Variants in ACTC1 observed in about 807,000 individuals in gnomAD.
ACTC1 encodes the protein actin, alpha cardiac muscle 1.
ACTC1 carries 10 observed loss-of-function variants against 31.6 expected under a neutral mutation model. The observed-to-expected ratio is 0.32, with a 90% CI of 0.19 to 0.54. The LOEUF is 0.54. Among genes scored for constraint, ACTC1 ranks in the 20% least tolerant of loss-of-function variants. ACTC1 has a pLI of 0.95. For missense variants in ACTC1, 129 were observed against 506.4 expected, an observed-to-expected ratio of 0.25 and a Z score of 7.15; for synonymous variants, 196 against 185.0, an observed-to-expected ratio of 1.06 and a Z score of -0.48.
intron 6 of ACTC1, 94 bp from the exon 7 acceptor site, chr15:34,790,649 A>G (rs1469760386): frequency 1.8e-5 from 27 of 1,469,108 alleles, no homozygotes; most frequent in African/African-American, 2.8e-5. Context: ...AAAAACCATT[A>G]GATATTAATT....
At position 34,793,619 on chromosome 15, in the gene ACTC1, T is replaced by C. The variant is rs1056173055; in HGVS notation, c.130-50A>G. The C allele has an allele frequency of 4.5e-6, 7 of 1,541,600 alleles. No homozygotes were observed. The highest frequency in any genetic ancestry group is 1.7e-4 in the Middle Eastern group (1 of 5,948). On this transcript the variant is annotated intron_variant, in intron 2 of 6. Transcript: ENST00000290378. This position sits in a 1 kb window ranked among gnomAD's most constrained non-coding sequence, Gnocchi z 4.8. ...TCATGCTCTCACCATGTCAGGAATATAATCAGTGTCTTGTCCATTTATATC... is the reference window on the plus strand; with the variant it reads ...TCATGCTCTCACCATGTCAGGAATACAATCAGTGTCTTGTCCATTTATATC...
intron 5 of ACTC1, 175 bp downstream of exon 5, chr15:34,791,915 G>C (rs1595760631): frequency 3.1e-6 from 2 of 647,588 alleles, no homozygotes; most frequent in East Asian, 5.5e-5. Context: ...TATCACTAGA[G>C]CAGAACATAG....
At position 34,790,260 on chromosome 15, in the gene ACTC1, TA is replaced by T; in HGVS notation, c.*151del. 2 of 1,083,264 alleles carry T rather than the reference TA, an allele frequency of 1.8e-6. No individual in the cohort carries two copies. Among genetic ancestry groups the T allele is most frequent in the Non-Finnish European group, 1.4e-6 (1 of 723,612 alleles). 67.1% of individuals were successfully genotyped at this position (1,083,264 alleles called of 1,614,324 possible). On this transcript the variant is annotated 3_prime_UTR_variant, in exon 7 of 7. Coordinates refer to ENST00000290378, the MANE Select transcript of ACTC1 (RefSeq NM_005159.5). ...TGCAAGTCCTGGTCTGGTTTATTTA[TA>T]AAGCAATAAATATTAGAAGCACAAA...
chr15:34,794,579 C>A, intron 2 of ACTC1, 101 bp downstream of exon 2: 1 of 1,455,350 alleles, frequency 6.9e-7, no homozygotes, highest in South Asian at 1.4e-5. Flanking sequence ...TTAATTTGGC[C>A]TAAAGAGTTC....
Position 34,790,330 on chromosome 15 carries a change from G to C in ACTC1, c.*82C>G. 1 of 1,524,350 alleles carries C rather than the reference G, an allele frequency of 6.6e-7. No individual in the cohort carries two copies. Among genetic ancestry groups the C allele is most frequent in the Non-Finnish European group, 9.1e-7 (1 of 1,100,480 alleles). The allele number at this position is 1,524,350 out of a possible 1,614,324, so 94.4% of individuals were successfully genotyped here. A position where few individuals can be genotyped will look rare whatever the true frequency, so the allele number is the denominator to read the frequency against. ...ACAAACTGTACAATGATTGATGAAAGATGAGGGAAGGTGGTTTGGAAGACT... is the reference window on the plus strand; with the variant it reads ...ACAAACTGTACAATGATTGATGAAACATGAGGGAAGGTGGTTTGGAAGACT... On this transcript the variant is annotated 3_prime_UTR_variant, in exon 7 of 7. Transcript: ENST00000290378.
intron 5 of ACTC1, 77 bp from the exon 6 acceptor site, chr15:34,791,372 A>G (rs956424463): frequency 9.3e-5 from 145 of 1,561,426 alleles, no homozygotes; most frequent in Admixed American, 2.9e-4. Context: ...CATTCAGGTC[A>G]AGGTAGAGGG....
In ACTC1 at chr15:34,792,860, G is replaced by T. The variant is rs1038278432; in HGVS notation, c.455-291C>A. ...GAGCACATTATGTAAGCACCCAAGG[G>T]TGTTTTTCTTTGCTCCTATTGAACT... On this transcript the variant is annotated intron_variant, in intron 3 of 6. Coordinates refer to ENST00000290378, the MANE Select transcript of ACTC1 (RefSeq NM_005159.5). This position sits in a 1 kb window ranked among gnomAD's most constrained non-coding sequence, Gnocchi z 5.3. The T allele has an allele frequency of 8.5e-5, 44 of 518,564 alleles. No individual in the cohort carries two copies. Among genetic ancestry groups the T allele is most frequent in the Admixed American group, 8.3e-4 (26 of 31,380 alleles). 32.1% of individuals were successfully genotyped at this position (518,564 alleles called of 1,614,324 possible).
intron 5 of ACTC1, chr15:34,791,782 T>C: frequency 2.4e-6 from 1 of 416,604 alleles, no homozygotes. Context: ...TACTTGGTAG[T>C]GAAACTTACG....
rs1470571495 is a variant in ACTC1 at position 34,792,151 on chromosome 15, G to A, written c.747C>T (p.Val249=). Residue 249 remains valine (V), a synonymous_variant, in exon 5 of 7, where the codon GTC becomes GTT. Coordinates refer to ENST00000290378, the MANE Select transcript of ACTC1 (RefSeq NM_005159.5). The surrounding 1 kb of genome is among the most constrained non-coding windows in gnomAD (Gnocchi z 5.3). The part of the protein sequence containing the change: ...EKSYELPDGQ[V]ITIGNERFRC... ...GGAAGCGCTCATTGCCAATAGTGAT[G>A]ACTTGGCCATCAGGCAGTTCATAGC... The A allele has an allele frequency of 1.4e-5, 22 of 1,614,086 alleles. No individual in the cohort carries two copies. Among genetic ancestry groups the A allele is most frequent in the Non-Finnish European group, 1.8e-5 (21 of 1,180,042 alleles).
Position 34,793,480 on chromosome 15 carries a change from G to T in ACTC1, c.219C>A (p.Ile73=). ...CCCAGTTGGTGATGATACCATGCTC[G>T]ATGGGATACTTCAGGGTCAGGATGC... is the stretch of plus-strand genomic sequence containing the variant. ...KRGILTLKYP[I]EHGIITNWDD... is the part of the protein sequence containing the mutation. The change falls in exon 3 of 7, where the codon ATC becomes ATA. Residue 73 remains isoleucine (I), a synonymous_variant. Coordinates refer to ENST00000290378, the MANE Select transcript of ACTC1 (RefSeq NM_005159.5). This position sits in a 1 kb window ranked among gnomAD's most constrained non-coding sequence, Gnocchi z 4.8. The T allele has an allele frequency of 1.9e-6, 3 of 1,614,098 alleles. No homozygotes were observed. The highest frequency in any genetic ancestry group is 2.5e-6 in the Non-Finnish European group (3 of 1,180,020).
intron 6 of ACTC1, 111 bp downstream of exon 6, chr15:34,791,002 TA>T: frequency 9.6e-7 from 1 of 1,043,636 alleles, no homozygotes; most frequent in Non-Finnish European, 1.4e-6. Context: ...AGCTAACAGG[TA>T]AAGTTTGTAG....
chr15:34,790,418 G>A lies in ACTC1; in HGVS notation c.1128C>T (p.Cys376=), dbSNP rs1891679853. 6.2e-7 allele frequency: 1 copy of A among 1,613,866 alleles called. No homozygotes were observed. Among genetic ancestry groups the A allele is most frequent in the South Asian group, 1.1e-5 (1 of 91,076 alleles). ...GATGGAGAGAGAAGGCATCTTAGAA[G>A]CATTTGCGGTGGACAATGGATGGGC... is the stretch of plus-strand genomic sequence containing the variant. ...EAGPSIVHRK[C]F Residue 376 remains cysteine (C), a synonymous_variant, in exon 7 of 7, where the codon TGC becomes TGT. Transcript: ENST00000290378.
Position 34,792,310 on chromosome 15 carries a change from G to C in ACTC1, c.617-29C>G. ...CAGAAATAAAGAGTATCACAGTCAT[G>C]CTCTGAAGCAAGAAGTCAATTATAG... On this transcript the variant is annotated intron_variant, in intron 4 of 6. Transcript: ENST00000290378. This position sits in a 1 kb window ranked among gnomAD's most constrained non-coding sequence, Gnocchi z 5.3. 1 of 1,614,004 alleles carries C rather than the reference G, an allele frequency of 6.2e-7. No individual in the cohort carries two copies. Among genetic ancestry groups the C allele is most frequent in the Non-Finnish European group, 8.5e-7 (1 of 1,179,846 alleles).
chr15:34,790,454 G>A lies in ACTC1; in HGVS notation c.1092C>T (p.Tyr364=), dbSNP rs140261885. 50 of 1,613,960 alleles carry A rather than the reference G, an allele frequency of 3.1e-5. No homozygotes were observed. The African/African-American group carries it at 3.6e-4, about 12-fold the overall frequency. Residue 364 remains tyrosine (Y), a synonymous_variant, in exon 7 of 7, where the codon TAC becomes TAT. Coordinates refer to ENST00000290378, the MANE Select transcript of ACTC1 (RefSeq NM_005159.5). ...FQQMWISKQE[Y]DEAGPSIVHR... The stretch of plus-strand genomic sequence containing the variant: ...GGACAATGGATGGGCCTGCCTCATC[G>A]TACTCTTGCTTGCTAATCCACATTT...
chr15:34,792,291 TA>T lies in ACTC1; in HGVS notation c.617-11del. The T allele has an allele frequency of 6.2e-7, 1 of 1,614,100 alleles. No individual in the cohort carries two copies. Among genetic ancestry groups the T allele is most frequent in the Non-Finnish European group, 8.5e-7 (1 of 1,180,026 alleles). On this transcript the variant is annotated splice_polypyrimidine_tract_variant and intron_variant, in intron 4 of 6. Coordinates refer to ENST00000290378, the MANE Select transcript of ACTC1 (RefSeq NM_005159.5). The surrounding 1 kb of genome is among the most constrained non-coding windows in gnomAD (Gnocchi z 5.3). ...ACAATTTCACGTTCAGCTACAGAAATAAAGAGTATCACAGTCATGCTCTGAA... is the reference window on the plus strand; with the variant it reads ...ACAATTTCACGTTCAGCTACAGAAATAAGAGTATCACAGTCATGCTCTGAA...
At chr15:34,790,605 G>C in intron 6 of ACTC1, 50 bp from the exon 7 acceptor site, 3 of 1,608,898 alleles carry the variant, frequency 1.9e-6, no homozygotes, top group Non-Finnish European at 1.7e-6. Flanking sequence ...TTCCAAGCAA[G>C]GGAGCAAATA....
At position 34,794,736 on chromosome 15, in the gene ACTC1, C is replaced by T. The variant is rs1891781693; in HGVS notation, c.73G>A (p.Gly25Ser). The T allele has an allele frequency of 6.2e-7, 1 of 1,613,568 alleles. No homozygotes were observed. The highest frequency in any genetic ancestry group is 8.5e-7 in the Non-Finnish European group (1 of 1,179,862). The change falls in exon 2 of 7, where the codon GGC (glycine) becomes AGC (serine). Residue 25 changes from glycine to serine, a missense_variant. Coordinates refer to ENST00000290378, the MANE Select transcript of ACTC1 (RefSeq NM_005159.5). ...GSGLVKAGFAGDDAPRAVFPS... is the reference protein window; with the variant it reads ...GSGLVKAGFASDDAPRAVFPS... Reference sequence around the variant, plus strand: ...AAGACAGCGCGGGGCGCGTCATCGCCCGCAAAGCCGGCCTTCACCAGCCCA... The same window carrying T: ...AAGACAGCGCGGGGCGCGTCATCGCTCGCAAAGCCGGCCTTCACCAGCCCA...
Position 34,793,346 on chromosome 15 carries a change from CG to C in ACTC1, c.352del (p.Arg118GlyfsTer4). Reference sequence around the variant, plus strand: ...AAACATGATCTGAGTCATCTTCTCCCGGTTGGCCTTGGGGTTCAGCGGGGCC... The same window carrying C: ...AAACATGATCTGAGTCATCTTCTCCCGTTGGCCTTGGGGTTCAGCGGGGCC... ...TEAPLNPKAN[R>X]EKMTQIMFET... On this transcript the variant is annotated frameshift_variant, in exon 3 of 7. Transcript: ENST00000290378. LOFTEE classifies it high-confidence loss of function. The surrounding 1 kb of genome is among the most constrained non-coding windows in gnomAD (Gnocchi z 4.8). 6.2e-7 allele frequency: 1 copy of C among 1,614,148 alleles called. No individual in the cohort carries two copies. Among genetic ancestry groups the C allele is most frequent in the African/African-American group, 1.3e-5 (1 of 75,038 alleles).
Position 34,793,675 on chromosome 15 carries a change from T to C in ACTC1, c.130-106A>G. On this transcript the variant is annotated intron_variant, in intron 2 of 6. Transcript: ENST00000290378. This position sits in a 1 kb window ranked among gnomAD's most constrained non-coding sequence, Gnocchi z 4.8. ...GCCCAAGTCAAGGAACATATTTAAA[T>C]ACCAGAAATAACAAGCAATACGATT... The C allele has an allele frequency of 1.9e-6, 2 of 1,049,594 alleles. No individual in the cohort carries two copies. 65.0% of individuals were successfully genotyped at this position (1,049,594 alleles called of 1,614,324 possible). A position where few individuals can be genotyped will look rare whatever the true frequency, so the allele number is the denominator to read the frequency against.
Sources: gnomAD v4.1 joint callset for allele counts on GRCh38, gnomAD v4.1.1 for gene constraint, Gnocchi (gnomAD v3.1) non-coding constraint, MANE v1.5 for transcripts, NCBI Gene and HGNC (gene_info 2026-07-23, HGNC 2026-07-21) for gene names.